MYO3B: variants seen among roughly 807,000 people sequenced by gnomAD.
MYO3B encodes myosin-IIIb.
In MYO3B, 156 loss-of-function variants were observed where a neutral mutation model predicts 174.6. The ratio of observed to expected loss-of-function variants is 0.89; its 90% CI spans 0.78 to 1.02. The LOEUF is 1.02. Among genes scored for constraint, MYO3B ranks in the 50% least tolerant of loss-of-function variants. The pLI, the probability that MYO3B is intolerant of heterozygous loss-of-function variation, is 0.00. For missense variants in MYO3B, 1,632 were observed against 1,639.4 expected, an observed-to-expected ratio of 1.00 and a Z score of 0.08; for synonymous variants, 563 against 569.1, an observed-to-expected ratio of 0.99 and a Z score of 0.15.
At chr2:170,652,065 T>G (rs1197263327) in intron 33 of MYO3B, 43 bp from the exon 34 acceptor site, 2 of 1,583,454 alleles carry the variant, frequency 1.3e-6, no homozygotes, top group African/African-American at 2.7e-5. Flanking sequence ...AATTAACGAC[T>G]TGCTGCTTTG....
chr2:170,379,116 T>C (rs2094315579), intron 9 of MYO3B, among the ~76,000 whole-genome samples: 2 of 152,174 alleles, frequency 1.3e-5, no homozygotes, highest in African/African-American at 4.8e-5. Context: ...TATGCAATTA[T>C]AAGATATAAA....
At chr2:170,601,674 CTTCT>C (rs1694518807) in intron 32 of MYO3B, 1 of 1,484,892 alleles carries the variant, frequency 6.7e-7, no homozygotes, top group Non-Finnish European at 9.3e-7. Context: ...CCTCCTCTTC[CTTCT>C]TTTTCTTGCT....
At chr2:170,226,156 T>C (rs1279575618) in intron 6 of MYO3B, among the ~76,000 whole-genome samples, 1 of 152,142 alleles carries the variant, frequency 6.6e-6, no homozygotes, top group Non-Finnish European at 1.5e-5. Flanking sequence ...TTTACCTGGC[T>C]CTGTTAAAAG....
chr2:170,561,853 T>C (rs948583120), intron 32 of MYO3B, among the ~76,000 whole-genome samples: 3 of 152,134 alleles, frequency 2.0e-5, no homozygotes, highest in Non-Finnish European at 4.4e-5. Flanking sequence ...GTACACGCAA[T>C]ACATAAAAAG....
At chr2:170,452,347 G>T (rs1683644719) in intron 23 of MYO3B, among the ~76,000 whole-genome samples, 1 of 152,130 alleles carries the variant, frequency 6.6e-6, no homozygotes, top group South Asian at 2.1e-4. Flanking sequence ...TTTTTCCCCA[G>T]GAGTCCAGGC....
intron 22 of MYO3B, among the ~76,000 whole-genome samples, chr2:170,437,816 A>G (rs1450834507): frequency 6.6e-6 from 1 of 152,044 alleles, no homozygotes; most frequent in African/African-American, 2.4e-5. Context: ...CAACCCTCAC[A>G]ATGGCGCGCT....
rs1022848299 is a variant in MYO3B at position 170,345,678 on chromosome 2, T to A, written c.815+10228T>A. On this transcript the variant is annotated intron_variant, in intron 8 of 34. Coordinates refer to ENST00000408978, the MANE Select transcript of MYO3B (RefSeq NM_138995.5). ...ATCCCCCATGTCATGGGTCGAATTG[T>A]GTCCCCTCAAAATTCATATGTTGAT... 4.6e-5 allele frequency among the ~76,000 whole-genome samples: 7 copies of A among 151,896 alleles called. No individual in the cohort carries two copies. The South Asian group carries it at 1.5e-3, about 32-fold the overall frequency.
chr2:170,491,582 T>TGC (rs1686480534), intron 25 of MYO3B, among the ~76,000 whole-genome samples: 1 of 152,134 alleles, frequency 6.6e-6, no homozygotes, highest in Admixed American at 6.5e-5. Flanking sequence ...CCCGCCACCA[T>TGC]GCCCGGCTAA....
chr2:170,652,466 A>G (rs1699072981), intron 34 of MYO3B, among the ~76,000 whole-genome samples: 1 of 152,100 alleles, frequency 6.6e-6, no homozygotes, highest in Non-Finnish European at 1.5e-5. Flanking sequence ...AAATAAGAGC[A>G]CTCTACGAAG....
At chr2:170,466,461 G>T (rs1353695160) in intron 24 of MYO3B, 45 bp from the exon 25 acceptor site, 1 of 1,579,760 alleles carries the variant, frequency 6.3e-7, no homozygotes, top group Admixed American at 1.7e-5. Context: ...ACTATCCATT[G>T]TGTTGGTGGT....
rs184016418 is a variant in MYO3B, at chr2:170,354,622, C to G, written c.816-14600C>G. Among the ~76,000 whole-genome samples, 26 of 152,332 alleles carry G rather than the reference C, an allele frequency of 1.7e-4. No individual in the cohort carries two copies. In the South Asian group the frequency reaches 2.9e-3, roughly 17 times the overall value. The stretch of plus-strand genomic sequence containing the variant: ...GTATTCCAAACTGTCTCCCCCTCCC[C>G]CTTCTTTCCCAACCTCTTGGGAACA... On this transcript the variant is annotated intron_variant, in intron 8 of 34. Transcript: ENST00000408978.
intron 30 of MYO3B, among the ~76,000 whole-genome samples, chr2:170,535,942 G>A (rs897990045): frequency 6.6e-6 from 1 of 152,138 alleles, no homozygotes; most frequent in Non-Finnish European, 1.5e-5. Flanking sequence ...CAGCTCCCTT[G>A]GTTGCTGACA....
rs763022056 is a variant in MYO3B, at chr2:170,542,943, A to G, written c.3613A>G (p.Ile1205Val). 2.5e-6 allele frequency: 4 copies of G among 1,610,422 alleles called. No homozygotes were observed. The East Asian group carries it at 6.7e-5, about 27-fold the overall frequency. ...CCAGAGTTCTCCAAAAGGGTGCGATATCTTCGCAGGACATGCAAACAAGGT... is the reference window on the plus strand; with the variant it reads ...CCAGAGTTCTCCAAAAGGGTGCGATGTCTTCGCAGGACATGCAAACAAGGT... ...QAQSSPKGCDIFAGHANKHSV... is the reference protein window; with the variant it reads ...QAQSSPKGCDVFAGHANKHSV... The change falls in exon 31 of 35, where the codon ATC (isoleucine) becomes GTC (valine). Residue 1205 changes from isoleucine (I) to valine (V), a missense_variant. By Grantham distance (29) the Ile-to-Val change is conservative. Transcript: ENST00000408978.
At chr2:170,211,857 C>T (rs1268727614) in intron 3 of MYO3B, among the ~76,000 whole-genome samples, 1 of 151,962 alleles carries the variant, frequency 6.6e-6, no homozygotes, top group Non-Finnish European at 1.5e-5. Context: ...TTAAGACCAA[C>T]CTCACAAATC....
At chr2:170,427,752 A>T (rs531596284) in intron 22 of MYO3B, among the ~76,000 whole-genome samples, 2 of 152,326 alleles carry the variant, frequency 1.3e-5, no homozygotes, top group African/African-American at 4.8e-5. Flanking sequence ...AGCTAGTGAC[A>T]TGGAATAGTC....
At chr2:170,579,879 G>C (rs1427372707) in intron 32 of MYO3B, among the ~76,000 whole-genome samples, 1 of 152,214 alleles carries the variant, frequency 6.6e-6, no homozygotes, top group African/African-American at 2.4e-5. Flanking sequence ...CTGTGTGAAG[G>C]TTCTGCTCCT....
rs2105524286 is a variant in MYO3B, at chr2:170,655,073, CA to C, written c.*1953del. ...TTTCAAATTGTTGAATGGAAATGTT[CA>C]TAACTCCCTGCTTGTCCGTGCACAA... is the stretch of plus-strand genomic sequence containing the variant. On this transcript the variant is annotated 3_prime_UTR_variant, in exon 35 of 35. Transcript: ENST00000408978. 1 of 152,246 alleles carries C rather than the reference CA, an allele frequency of 6.6e-6. No individual in the cohort carries two copies. Among genetic ancestry groups the C allele is most frequent in the East Asian group, 1.9e-4 (1 of 5,182 alleles). The allele number at this position is 152,246 out of a possible 1,614,324, so 9.4% of individuals were successfully genotyped here. A position where few individuals can be genotyped will look rare whatever the true frequency, so the allele number is the denominator to read the frequency against.
In MYO3B at chr2:170,649,298, AAATAATATATATTATATATAAAAT is replaced by A. The variant is rs1559202260; in HGVS notation, c.3734-2325_3734-2302del. Among the ~76,000 whole-genome samples the A allele has an allele frequency of 1.1e-4, 9 of 83,504 alleles. 2 individuals are homozygous for A. The highest frequency in any genetic ancestry group is 5.0e-4 in the African/African-American group (9 of 17,948). The allele number at this position is 83,504 out of a possible 152,430, so 54.8% of individuals were successfully genotyped here. A position where few individuals can be genotyped will look rare whatever the true frequency, so the allele number is the denominator to read the frequency against. ...TATAAAATAATATATATTATATATA[AAATAATATATATTATATATAAAAT>A]AATATAATATATATTATATATAAAA... On this transcript the variant is annotated intron_variant, in intron 32 of 34. Transcript: ENST00000408978.
chr2:170,283,982 T>C (rs1441067499), intron 7 of MYO3B, among the ~76,000 whole-genome samples: 1 of 152,236 alleles, frequency 6.6e-6, no homozygotes, highest in African/African-American at 2.4e-5. Flanking sequence ...CTTTGTCCCA[T>C]AGCTGAGCAG....
Sources: gnomAD v4.1 joint callset for allele counts (sites outside exome capture counted in the v4.1 genomes callset) on GRCh38, gnomAD v4.1.1 for gene constraint, MANE v1.5 for transcripts, NCBI Gene and HGNC (gene_info 2026-07-23, HGNC 2026-07-21) for gene names.